Variants in MEIS2 observed in about 807,000 individuals in gnomAD.
MEIS2 encodes the protein homeobox protein Meis2.
In MEIS2, 9 loss-of-function variants were observed where a neutral mutation model predicts 58.6. The ratio of observed to expected loss-of-function variants is 0.15; its 90% CI spans 0.09 to 0.27. The LOEUF (loss-of-function observed/expected upper bound fraction) is 0.27. MEIS2 is among the 10% of genes least tolerant of loss of function. MEIS2 has a pLI of 1.00. For synonymous variants in MEIS2, 221 were observed against 228.4 expected, an observed-to-expected ratio of 0.97 and a Z score of 0.29; for missense variants, 427 against 635.0, an observed-to-expected ratio of 0.67 and a Z score of 3.52.
intron 8 of MEIS2, among the ~76,000 whole-genome samples, chr15:36,961,922 T>C (rs1006274180): frequency 1.3e-5 from 2 of 152,218 alleles, no homozygotes; most frequent in African/African-American, 4.8e-5. Flanking sequence ...TATCTTTATA[T>C]TCTTAGAAAT....
intron 8 of MEIS2, among the ~76,000 whole-genome samples, chr15:37,016,419 G>A (rs1383184019): frequency 6.6e-6 from 1 of 151,546 alleles, no homozygotes; most frequent in Non-Finnish European, 1.5e-5. Flanking sequence ...TCCAGTTTGC[G>A]AGAGCCACTC....
chr15:37,000,343 A>T lies in MEIS2; in HGVS notation c.900+36471T>A, dbSNP rs573841499. Among the ~76,000 whole-genome samples the T allele has an allele frequency of 2.0e-5, 3 of 152,210 alleles. No homozygotes were observed. In the East Asian group the frequency reaches 5.8e-4, roughly 30 times the overall value. ...GCTAAATAGAAAATAAGGTCTTTAC[A>T]TCCTAATAAGGACTGGAGGTCTCTT... On this transcript the variant is annotated intron_variant, in intron 8 of 11. Coordinates refer to ENST00000561208, the MANE Select transcript of MEIS2 (RefSeq NM_170675.5).
intron 9 of MEIS2, among the ~76,000 whole-genome samples, chr15:36,917,257 CT>C (rs1298222946): frequency 1.3e-5 from 2 of 152,148 alleles, no homozygotes; most frequent in Non-Finnish European, 2.9e-5. Context: ...TACTTCATCT[CT>C]AGAAAAGTTA....
intron 8 of MEIS2, among the ~76,000 whole-genome samples, chr15:37,013,936 T>A (rs187788563): frequency 2.0e-5 from 3 of 152,266 alleles, no homozygotes; most frequent in African/African-American, 7.2e-5. Flanking sequence ...ACTTCACACT[T>A]GAGCATACAA....
chr15:36,958,572 A>C (rs938926127), intron 8 of MEIS2, among the ~76,000 whole-genome samples: 3 of 152,222 alleles, frequency 2.0e-5, no homozygotes, highest in African/African-American at 7.2e-5. Flanking sequence ...CCAAAAAGGC[A>C]ACAAAAATAT....
intron 8 of MEIS2, among the ~76,000 whole-genome samples, chr15:36,952,665 G>A (rs917858812): frequency 2.7e-5 from 4 of 150,840 alleles, no homozygotes; most frequent in Non-Finnish European, 5.9e-5. Context: ...GTGTTTAAGC[G>A]AGAGAGAGAG....
In MEIS2 at chr15:37,076,982, C is replaced by T. The variant is rs541282378; in HGVS notation, c.754+6789G>A. 2.8e-3 allele frequency among the ~76,000 whole-genome samples: 429 copies of T among 152,116 alleles called. 2 individuals are homozygous for T. The highest frequency in any genetic ancestry group is 4.3e-3 in the Non-Finnish European group (292 of 67,972). On this transcript the variant is annotated intron_variant, in intron 7 of 11. Coordinates refer to ENST00000561208, the MANE Select transcript of MEIS2 (RefSeq NM_170675.5). ...TCTCCTTGGCATTTGGTGCAGACCC[C>T]CAAAGATAAGATACATCTGTCCCTT...
At chr15:36,974,212 T>G (rs1567129985) in intron 8 of MEIS2, among the ~76,000 whole-genome samples, 1 of 152,190 alleles carries the variant, frequency 6.6e-6, no homozygotes, top group Non-Finnish European at 1.5e-5. Context: ...TAATTTTGTG[T>G]TTTAAAACAC....
intron 8 of MEIS2, among the ~76,000 whole-genome samples, chr15:36,970,403 C>CAAA (rs35719378): frequency 7.4e-6 from 1 of 135,786 alleles, no homozygotes; most frequent in Admixed American, 7.5e-5. Context: ...GACTCCGTCT[C>CAAA]AAAAAAAAAA....
chr15:37,093,966 TAGAG>T (rs1004121784), intron 5 of MEIS2: 30 of 491,672 alleles, frequency 6.1e-5, no homozygotes, highest in African/African-American at 5.3e-4. Context: ...CAAGTTACAA[TAGAG>T]AGAGAAAGAA....
chr15:37,096,985 A>G (rs1894340108), intron 2 of MEIS2, among the ~76,000 whole-genome samples: 1 of 152,224 alleles, frequency 6.6e-6, no homozygotes, highest in African/African-American at 2.4e-5. Flanking sequence ...TGCCTTATAA[A>G]CTTGTTTGCT....
chr15:36,981,642 G>A (rs538071270), intron 8 of MEIS2, among the ~76,000 whole-genome samples: 1 of 152,186 alleles, frequency 6.6e-6, no homozygotes, highest in South Asian at 2.1e-4. Flanking sequence ...ACTCTGTGAT[G>A]GTTAATTCTA....
chr15:37,093,590 G>A lies in MEIS2; in HGVS notation c.630C>T (p.Leu210=), dbSNP rs141907934. ...AGGCTAGCAGACTTACATGGTCAGC[G>A]AGATTTGTGGAGGAGCCTGAAAGTT... ...HEELSGSSTN[L]ADHNPSSWRD... is the part of the protein sequence containing the mutation. Residue 210 remains leucine, a synonymous_variant, in exon 6 of 12, where the codon CTC becomes CTT. Coordinates refer to ENST00000561208, the MANE Select transcript of MEIS2 (RefSeq NM_170675.5). 129 of 1,614,148 alleles carry A rather than the reference G, an allele frequency of 8.0e-5. No individual in the cohort carries two copies. The African/African-American group carries it at 1.6e-3, about 20-fold the overall frequency.
intron 8 of MEIS2, among the ~76,000 whole-genome samples, chr15:36,992,089 A>G (rs1046011695): frequency 5.9e-5 from 9 of 152,194 alleles, no homozygotes; most frequent in East Asian, 1.9e-4. Context: ...CGCCCGGCCT[A>G]AAGTGTTAAT....
chr15:36,947,425 G>T (rs1387155899), intron 9 of MEIS2, among the ~76,000 whole-genome samples: 1 of 151,912 alleles, frequency 6.6e-6, no homozygotes, highest in Non-Finnish European at 1.5e-5. Flanking sequence ...GATATTAACA[G>T]GTCTGTTTTT....
intron 8 of MEIS2, among the ~76,000 whole-genome samples, chr15:36,983,612 T>C (rs1307873855): frequency 6.6e-6 from 1 of 152,120 alleles, no homozygotes; most frequent in East Asian, 1.9e-4. Flanking sequence ...TGCTCCATAT[T>C]GCTTTGGCTA....
chr15:37,075,963 A>G (rs565284807), intron 7 of MEIS2, among the ~76,000 whole-genome samples: 5 of 152,092 alleles, frequency 3.3e-5, no homozygotes, highest in African/African-American at 1.2e-4. Context: ...TAGCAGGGAT[A>G]CTAAAGTGGT....
intron 9 of MEIS2, among the ~76,000 whole-genome samples, chr15:36,904,869 T>C (rs535672378): frequency 1.3e-5 from 2 of 152,310 alleles, no homozygotes; most frequent in East Asian, 3.9e-4. Context: ...GACATGTGCA[T>C]TGTCTTGCTA....
At chr15:37,064,703 G>A (rs947636179) in intron 7 of MEIS2, among the ~76,000 whole-genome samples, 2 of 152,142 alleles carry the variant, frequency 1.3e-5, no homozygotes, top group Admixed American at 6.6e-5. Flanking sequence ...GAACACTTAC[G>A]CATGGGAAAA....
Sources: allele counts gnomAD v4.1 joint callset (sites outside exome capture counted in the v4.1 genomes callset), GRCh38; gene constraint gnomAD v4.1.1; transcripts MANE v1.5; gene names NCBI Gene and HGNC (gene_info 2026-07-23, HGNC 2026-07-21).